Variants in PLXNA4 observed in about 807,000 individuals in gnomAD.
The protein encoded by PLXNA4 is plexin A4.
In PLXNA4, 44 loss-of-function variants were observed where a neutral mutation model predicts 191.8. The ratio of observed to expected loss-of-function variants is 0.23; its 90% confidence interval spans 0.18 to 0.29. The LOEUF (loss-of-function observed/expected upper bound fraction) is 0.29, where lower values mean the gene tolerates loss of function less well. Ranked by LOEUF, PLXNA4 falls within the 10% of genes least tolerant of loss-of-function variation. The pLI, the probability that PLXNA4 is intolerant of heterozygous loss-of-function variation, is 1.00. For missense variants in PLXNA4, 1,800 were observed against 2,488.8 expected (o/e 0.72, Z 5.89); for synonymous variants, 1,082 against 1,009.5 (o/e 1.07, Z -1.36).
At chr7:132,378,897 G>A (rs1263050199) in intron 3 of PLXNA4, among the ~76,000 whole-genome samples, 3 of 148,824 alleles carry the variant, frequency 2.0e-5, no homozygotes, top group East Asian at 2.0e-4. Flanking sequence ...TGTTGCCCAG[G>A]CTGGAGTGCA....
At chr7:132,594,975 T>TG (rs1802676862) in intron 2 of PLXNA4, among the ~76,000 whole-genome samples, 1 of 136,670 alleles carries the variant, frequency 7.3e-6, no homozygotes, top group Non-Finnish European at 1.6e-5. Context: ...AATTGATAGA[T>TG]AATAGATAGA....
intron 9 of PLXNA4, among the ~76,000 whole-genome samples, chr7:132,213,600 C>T (rs1797871768): frequency 6.6e-6 from 1 of 152,148 alleles, no homozygotes; most frequent in Non-Finnish European, 1.5e-5. Context: ...GGGAATGTGG[C>T]ACACAGAGGA....
intron 3 of PLXNA4, among the ~76,000 whole-genome samples, chr7:132,462,536 T>G (rs1206996456): frequency 1.4e-5 from 2 of 139,232 alleles, no homozygotes; most frequent in Non-Finnish European, 2.9e-5. Flanking sequence ...CTCAACTTTG[T>G]CTGTATTTAA....
intron 3 of PLXNA4, among the ~76,000 whole-genome samples, chr7:132,313,578 T>C (rs886843859): frequency 6.6e-6 from 1 of 152,076 alleles, no homozygotes; most frequent in Non-Finnish European, 1.5e-5. Flanking sequence ...TTGAAGGGAA[T>C]GCCGTGTGGG....
chr7:132,484,015 AAT>A (rs1350290572), intron 3 of PLXNA4, among the ~76,000 whole-genome samples: 2 of 152,222 alleles, frequency 1.3e-5, no homozygotes, highest in African/African-American at 4.8e-5. Context: ...CCAAGGGCAG[AAT>A]AGTGAGAAAT....
chr7:132,577,502 ATC>A (rs1802304803), upstream of PLXNA4, among the ~76,000 whole-genome samples: 1 of 150,148 alleles, frequency 6.7e-6, no homozygotes, highest in Non-Finnish European at 1.5e-5. Context: ...CGCGGCTGAC[ATC>A]TAGAGCGAGG....
At position 132,129,566 on chromosome 7, in the gene PLXNA4, G is replaced by T. The variant is rs541525854; in HGVS notation, c.*913C>A. 6.6e-6 allele frequency: 1 copy of T among 152,510 alleles called. No homozygotes were observed. The highest frequency in any genetic ancestry group is 2.1e-4 in the South Asian group (1 of 4,820). 9.4% of individuals were successfully genotyped at this position (152,510 alleles called of 1,614,324 possible). A position where few individuals can be genotyped will look rare whatever the true frequency, so the allele number is the denominator to read the frequency against. ...GACAGCACTCAGGGCTCTGGTAGTG[G>T]ACTAGACCTATGACTATGATTGTGA... is the stretch of plus-strand genomic sequence containing the variant. On this transcript the variant is annotated 3_prime_UTR_variant, in exon 32 of 32. Transcript: ENST00000321063.
At chr7:132,464,864 A>C (rs1273605756) in intron 3 of PLXNA4, among the ~76,000 whole-genome samples, 1 of 152,260 alleles carries the variant, frequency 6.6e-6, no homozygotes. Flanking sequence ...AGATGGAAAC[A>C]GCTCTTCCTA....
chr7:132,333,625 T>G (rs1246952829), intron 3 of PLXNA4, among the ~76,000 whole-genome samples: 1 of 152,056 alleles, frequency 6.6e-6, no homozygotes, highest in Non-Finnish European at 1.5e-5. Flanking sequence ...CCAGGAGGTG[T>G]CTGGGTTTGG....
intron 4 of PLXNA4, among the ~76,000 whole-genome samples, chr7:132,282,449 G>A (rs1800514194): frequency 6.6e-6 from 1 of 151,212 alleles, no homozygotes; most frequent in Non-Finnish European, 1.5e-5. Flanking sequence ...GATGCCCTGA[G>A]ACTACCCTGC....
intron 3 of PLXNA4, among the ~76,000 whole-genome samples, chr7:132,469,616 A>G (rs946772671): frequency 6.6e-6 from 1 of 152,240 alleles, no homozygotes; most frequent in African/African-American, 2.4e-5. Context: ...AGCCAAGCAG[A>G]GAACATGTCC....
intron 2 of PLXNA4, among the ~76,000 whole-genome samples, chr7:132,584,737 C>A (rs533164400): frequency 6.6e-6 from 1 of 152,164 alleles, no homozygotes; most frequent in South Asian, 2.1e-4. Context: ...AGAAACAGAG[C>A]GATATGTATT....
At chr7:132,282,933 G>A (rs1800540336) in intron 4 of PLXNA4, among the ~76,000 whole-genome samples, 1 of 152,006 alleles carries the variant, frequency 6.6e-6, no homozygotes, top group Non-Finnish European at 1.5e-5. Context: ...CTGGAGTGCA[G>A]TGGCACCATC....
intron 4 of PLXNA4, among the ~76,000 whole-genome samples, chr7:132,272,186 G>T (rs1800102677): frequency 1.3e-5 from 2 of 152,166 alleles, no homozygotes; most frequent in African/African-American, 4.8e-5. Flanking sequence ...ATGTCCTTCA[G>T]TCTTCCCTGC....
chr7:132,179,895 G>A lies in PLXNA4; in HGVS notation c.3666C>T (p.Ser1222=). The A allele has an allele frequency of 6.2e-7, 1 of 1,610,542 alleles. No homozygotes were observed. Among genetic ancestry groups the A allele is most frequent in the Middle Eastern group, 1.8e-4 (1 of 5,640 alleles). The change falls in exon 20 of 32, where the codon TCC becomes TCT. Residue 1222 remains serine (S), a synonymous_variant. Coordinates refer to ENST00000321063, the MANE Select transcript of PLXNA4 (RefSeq NM_020911.2). ...VMARVGGMEY[S]PGMVYIAPDS... ...CCGGGGCAATGTACACCATCCCCGG[G>A]GAGTACTCCATGCCACCGACACGGG...
chr7:132,388,438 A>G (rs770203026), intron 3 of PLXNA4, among the ~76,000 whole-genome samples: 1 of 152,174 alleles, frequency 6.6e-6, no homozygotes, highest in African/African-American at 2.4e-5. Flanking sequence ...TAAGTCAATC[A>G]TTCATATTAG....
intron 4 of PLXNA4, among the ~76,000 whole-genome samples, chr7:132,280,793 T>C (rs1326697984): frequency 2.0e-5 from 3 of 152,298 alleles, no homozygotes; most frequent in Admixed American, 6.5e-5. Context: ...AATTCAGAGA[T>C]TGAGGTAAAG....
chr7:132,642,770 A>C (rs1803768402), intron 2 of PLXNA4, among the ~76,000 whole-genome samples: 1 of 152,204 alleles, frequency 6.6e-6, no homozygotes, highest in South Asian at 2.1e-4. Context: ...ACTACGGTTC[A>C]CCCAAACAGA....
chr7:132,211,119 C>G lies in PLXNA4; in HGVS notation c.2122G>C (p.Asp708His), dbSNP rs751427365. The G allele has an allele frequency of 6.4e-7, 1 of 1,565,892 alleles. No individual in the cohort carries two copies. The highest frequency in any genetic ancestry group is 1.2e-5 in the South Asian group (1 of 85,352). Residue 708 changes from aspartate to histidine, a missense_variant, in exon 10 of 32, where the codon GAC (aspartate) becomes CAC (histidine). Coordinates refer to ENST00000321063, the MANE Select transcript of PLXNA4 (RefSeq NM_020911.2). The part of the protein sequence containing the change: ...PEDCPQLLRV[D>H]KILVPVEVIK... Reference sequence around the variant, plus strand: ...ACCTCCACGGGCACCAGGATCTTGTCCACTCGCAGCAGCTGGGGGCAGTCC... The same window carrying G: ...ACCTCCACGGGCACCAGGATCTTGTGCACTCGCAGCAGCTGGGGGCAGTCC...
Sources: allele counts gnomAD v4.1 joint callset (sites outside exome capture counted in the v4.1 genomes callset), GRCh38; gene constraint gnomAD v4.1.1; transcripts MANE v1.5; gene names NCBI Gene and HGNC (gene_info 2026-07-23, HGNC 2026-07-21).